Variants in MICU1 observed in about 807,000 individuals in gnomAD.
MICU1 encodes the protein mitochondrial calcium uptake 1.
In MICU1, 45 loss-of-function variants were observed where a neutral mutation model predicts 56.8. The ratio of observed to expected loss-of-function variants is 0.79; its 90% CI spans 0.62 to 1.02. MICU1 has a LOEUF of 1.02. Among genes scored for constraint, MICU1 ranks in the 50% least tolerant of loss-of-function variants. MICU1 has a pLI of 0.00. For synonymous variants in MICU1, 186 were observed against 195.1 expected (o/e 0.95, Z 0.39); for missense variants, 504 against 587.1 (o/e 0.86, Z 1.46).
chr10:72,462,830 CTGAT>C (rs1865678389), intron 8 of MICU1, among the ~76,000 whole-genome samples: 1 of 152,164 alleles, frequency 6.6e-6, no homozygotes, highest in African/African-American at 2.4e-5. Flanking sequence ...ATTTGAAAGA[CTGAT>C]TGAGGAAAAG....
At chr10:72,530,371 T>TG (rs1172858827) in intron 5 of MICU1, among the ~76,000 whole-genome samples, 9 of 146,008 alleles carry the variant, frequency 6.2e-5, no homozygotes, top group African/African-American at 2.1e-4. Context: ...ATAATAATAA[T>TG]AATGCCAGAA....
rs568373466 is a variant in MICU1, at chr10:72,442,387, AC to A, written c.934-19017del. Reference sequence around the variant, plus strand: ...TTGAACTCCTGACCTCAGGTGACCCACCCGCCTCAGCCTCCCAAAGTGCTAG... The same window carrying A: ...TTGAACTCCTGACCTCAGGTGACCCACCGCCTCAGCCTCCCAAAGTGCTAG... On this transcript the variant is annotated intron_variant, in intron 8 of 11. Coordinates refer to ENST00000361114, the MANE Select transcript of MICU1 (RefSeq NM_001195518.2). Among the ~76,000 whole-genome samples, 588 of 151,758 alleles carry A rather than the reference AC, an allele frequency of 3.9e-3. 1 individual carries two copies. The highest frequency in any genetic ancestry group is 4.8e-3 in the Non-Finnish European group (326 of 67,864).
At chr10:72,379,023 A>G (rs1862618067) in intron 10 of MICU1, among the ~76,000 whole-genome samples, 2 of 152,092 alleles carry the variant, frequency 1.3e-5, no homozygotes, top group Admixed American at 1.3e-4. Flanking sequence ...TATTCATGAG[A>G]TGTGTGTTGG....
chr10:72,604,361 C>CA (rs35984338), intron 1 of MICU1, among the ~76,000 whole-genome samples: 8 of 150,306 alleles, frequency 5.3e-5, no homozygotes, highest in African/African-American at 1.5e-4. Context: ...GCAACCTCCC[C>CA]CTCCTGGGTT....
Position 72,475,203 on chromosome 10 carries a change from G to A in MICU1, c.830C>T (p.Ala277Val). 3 of 1,611,074 alleles carry A rather than the reference G, an allele frequency of 1.9e-6. No homozygotes were observed. The highest frequency in any genetic ancestry group is 2.5e-6 in the Non-Finnish European group (3 of 1,178,610). Residue 277 changes from alanine (A) to valine (V), a missense_variant, in exon 8 of 12, where the codon GCC (alanine) becomes GTC (valine). By Grantham distance (64) the Ala-to-Val change is moderately conservative. Coordinates refer to ENST00000361114, the MANE Select transcript of MICU1 (RefSeq NM_001195518.2). ...GNTLKSGLCS[A>V]LTTYFFGADL... ...AGCTCCAAAAAAGTAGGTTGTGAGG[G>A]CTGAACACAAGCCAGACTTGAGGGT...
At chr10:72,423,133 T>G (rs1451981406) in intron 9 of MICU1, 101 bp downstream of exon 9, 1 of 1,450,752 alleles carries the variant, frequency 6.9e-7, no homozygotes, top group East Asian at 2.3e-5. Flanking sequence ...GTGTAATCAT[T>G]GGTTCATGAA....
chr10:72,551,092 G>A, intron 4 of MICU1, 87 bp downstream of exon 4: 2 of 1,283,282 alleles, frequency 1.6e-6, no homozygotes, highest in Non-Finnish European at 2.1e-6. Flanking sequence ...ACAAGGACCT[G>A]TAAGATTTCA....
In MICU1 at chr10:72,402,296, T is replaced by C. The variant is rs1017625558; in HGVS notation, c.1180+5633A>G. 6.6e-5 allele frequency among the ~76,000 whole-genome samples: 10 copies of C among 152,176 alleles called. 1 individual carries two copies. In the South Asian group the frequency reaches 1.9e-3, roughly 28 times the overall value. On this transcript the variant is annotated intron_variant, in intron 10 of 11. Transcript: ENST00000361114. The stretch of plus-strand genomic sequence containing the variant: ...TCCCCGATTCCATGGCCAGGCACAA[T>C]TGTTTAAAGGCATTTTGTTCCTGAC...
intron 2 of MICU1, 22 bp from the exon 3 acceptor site, chr10:72,563,085 C>G (rs1840340877): frequency 6.7e-7 from 1 of 1,482,378 alleles, no homozygotes. Flanking sequence ...AAAAAGAAAT[C>G]TAGATTAATC....
In MICU1 at chr10:72,491,951, C is replaced by A. The variant is rs574669339; in HGVS notation, c.653-14695G>T. Among the ~76,000 whole-genome samples, 26 of 152,150 alleles carry A rather than the reference C, an allele frequency of 1.7e-4. No individual in the cohort carries two copies. The East Asian group carries it at 4.4e-3, about 26-fold the overall frequency. On this transcript the variant is annotated intron_variant, in intron 6 of 11. Transcript: ENST00000361114. ...AAAATAGATATAAAAGTTTAAAAAA[C>A]CATTAGAGGGCTTAATAAACTATGC...
intron 1 of MICU1, among the ~76,000 whole-genome samples, chr10:72,616,225 T>A (rs1841976388): frequency 6.6e-6 from 1 of 152,200 alleles, no homozygotes; most frequent in Non-Finnish European, 1.5e-5. Flanking sequence ...TTTTACCTTG[T>A]GTGCTTTCTT....
At chr10:72,467,175 TTTTTG>T (rs923612220) in intron 8 of MICU1, among the ~76,000 whole-genome samples, 8 of 151,816 alleles carry the variant, frequency 5.3e-5, no homozygotes, top group South Asian at 2.1e-4. Context: ...ATTTTCTGGT[TTTTTG>T]TTTTGTTTTG....
At chr10:72,563,103 T>G (rs1840341724) in intron 2 of MICU1, 40 bp from the exon 3 acceptor site, 1 of 1,415,620 alleles carries the variant, frequency 7.1e-7, no homozygotes, top group African/African-American at 1.4e-5. Context: ...ATCTTGAACG[T>G]CCATCATACT....
intron 8 of MICU1, among the ~76,000 whole-genome samples, chr10:72,440,802 CTCA>C (rs1215367191): frequency 6.6e-6 from 1 of 152,154 alleles, no homozygotes; most frequent in African/African-American, 2.4e-5. Context: ...TGAAAAAATG[CTCA>C]TCATTACTGG....
intron 4 of MICU1, among the ~76,000 whole-genome samples, chr10:72,543,565 G>T (rs1330919336): frequency 6.6e-6 from 1 of 152,010 alleles, no homozygotes; most frequent in African/African-American, 2.4e-5. Context: ...TATTATTAAG[G>T]ATACTTAGGG....
intron 1 of MICU1, among the ~76,000 whole-genome samples, chr10:72,569,566 T>C (rs576361821): frequency 7.2e-5 from 11 of 152,054 alleles, no homozygotes; most frequent in Admixed American, 6.6e-4. Flanking sequence ...AGAAATATTA[T>C]GATAGAAATG....
intron 8 of MICU1, among the ~76,000 whole-genome samples, chr10:72,463,097 G>A (rs1389321657): frequency 2.0e-5 from 3 of 149,688 alleles, no homozygotes; most frequent in South Asian, 2.1e-4. Context: ...ACGGAGTTTC[G>A]CTCTTGCCCA....
chr10:72,521,252 T>A (rs1166654743), intron 5 of MICU1, among the ~76,000 whole-genome samples: 1 of 152,146 alleles, frequency 6.6e-6, no homozygotes, highest in African/African-American at 2.4e-5. Context: ...GTTCACAACC[T>A]TGATCTAAAC....
At chr10:72,498,787 T>C (rs2132322093) in intron 6 of MICU1, among the ~76,000 whole-genome samples, 1 of 152,204 alleles carries the variant, frequency 6.6e-6, no homozygotes, top group African/African-American at 2.4e-5. Context: ...CAGGGCGACA[T>C]ATGCTATTCA....
Sources: gnomAD v4.1 joint callset for allele counts (sites outside exome capture counted in the v4.1 genomes callset) on GRCh38, gnomAD v4.1.1 for gene constraint, MANE v1.5 for transcripts, NCBI Gene and HGNC (gene_info 2026-07-23, HGNC 2026-07-21) for gene names.